PLCZ1: variants seen among roughly 807,000 people sequenced by gnomAD.
PLCZ1 encodes the protein phospholipase C zeta 1, also known as 1-phosphatidylinositol 4,5-bisphosphate phosphodiesterase zeta-1.
A neutral mutation model predicts 76.8 loss-of-function variants in PLCZ1; 64 were observed. The observed-to-expected ratio is 0.83, with a 90% confidence interval of 0.68 to 1.03. The LOEUF (loss-of-function observed/expected upper bound fraction) is 1.03, where lower values mean the gene tolerates loss of function less well. PLCZ1 is among the 50% of genes least tolerant of loss of function. PLCZ1 has a pLI of 0.00. For missense variants in PLCZ1, 751 were observed against 713.7 expected, an observed-to-expected ratio of 1.05 and a Z score of -0.60; for synonymous variants, 248 against 230.8, an observed-to-expected ratio of 1.07 and a Z score of -0.68.
intron 13 of PLCZ1, among the ~76,000 whole-genome samples, chr12:18,687,832 AAAG>A (rs1161570040): frequency 1.3e-5 from 2 of 152,134 alleles, no homozygotes. Flanking sequence ...AAAACATAAA[AAAG>A]AGGTAAATTT....
the PLCZ1 span, among the ~76,000 whole-genome samples, chr12:18,654,204 A>G: frequency 6.6e-6 from 1 of 152,082 alleles, no homozygotes; most frequent in Non-Finnish European, 1.5e-5. Flanking sequence ...TAAAAAGTCA[A>G]TATACTCAGG....
chr12:18,667,841 C>A, the PLCZ1 span, among the ~76,000 whole-genome samples: 3 of 152,162 alleles, frequency 2.0e-5, no homozygotes, highest in Non-Finnish European at 4.4e-5. Flanking sequence ...ATTTCCACCA[C>A]ATTGCTCTGC....
chr12:18,698,128 ACT>A (rs1269667655), intron 10 of PLCZ1, among the ~76,000 whole-genome samples: 2 of 151,574 alleles, frequency 1.3e-5, no homozygotes, highest in Non-Finnish European at 2.9e-5. Flanking sequence ...TGTCATTCAA[ACT>A]CTCTTAACCA....
the PLCZ1 span, among the ~76,000 whole-genome samples, chr12:18,672,352 G>T: frequency 6.6e-6 from 1 of 151,896 alleles, no homozygotes; most frequent in African/African-American, 2.4e-5. Context: ...AAAAGGGAAA[G>T]GTTTTTAATT....
chr12:18,668,117 C>T, the PLCZ1 span, among the ~76,000 whole-genome samples: 5 of 152,264 alleles, frequency 3.3e-5, no homozygotes, highest in South Asian at 1.0e-3. Flanking sequence ...TTAGCCCCAA[C>T]TTGTATTATC....
chr12:18,693,636 T>C (rs1159703371), intron 12 of PLCZ1: 1 of 1,564,188 alleles, frequency 6.4e-7, no homozygotes, highest in African/African-American at 1.4e-5. Flanking sequence ...ATTGATGAAA[T>C]TGACGCCATT....
Position 18,687,834 on chromosome 12 carries a change from A to T in PLCZ1, c.1591+255T>A, listed in dbSNP as rs115974784. Among the ~76,000 whole-genome samples the T allele has an allele frequency of 7.0e-3, 1,069 of 152,234 alleles. 12 individuals are homozygous for T. The highest frequency in any genetic ancestry group is 0.025 in the African/African-American group (1,037 of 41,570). ...GGTGATATGAGAGAAAACATAAAAA[A>T]GAGGTAAATTTTTTTTAAGCAATAA... On this transcript the variant is annotated intron_variant, in intron 13 of 14. Coordinates refer to ENST00000266505, the MANE Select transcript of PLCZ1 (RefSeq NM_033123.4).
the PLCZ1 span, among the ~76,000 whole-genome samples, chr12:18,649,336 C>T: frequency 6.6e-6 from 1 of 152,098 alleles, no homozygotes; most frequent in African/African-American, 2.4e-5. Context: ...ACTACCCATG[C>T]TCCTATCCCA....
chr12:18,684,657 T>C (rs542967900), intron 13 of PLCZ1, among the ~76,000 whole-genome samples: 8 of 152,190 alleles, frequency 5.3e-5, no homozygotes, highest in African/African-American at 1.9e-4. Flanking sequence ...TTTTAATCAT[T>C]ATGCAATATG....
At chr12:18,737,776 CATA>C (rs775660855) in intron 1 of PLCZ1, 153 bp downstream of exon 1, 99 of 333,348 alleles carry the variant, frequency 3.0e-4, no homozygotes, top group Middle Eastern at 3.0e-3. Context: ...AACCTTTCAT[CATA>C]ATATGCTTCC....
downstream of PLCZ1, among the ~76,000 whole-genome samples, chr12:18,678,707 G>T (rs368903633): frequency 3.9e-4 from 59 of 152,022 alleles, 1 homozygote; most frequent in African/African-American, 1.4e-3. Context: ...ACATTAAATA[G>T]TATTGGATAT....
chr12:18,645,702 C>A, the PLCZ1 span, among the ~76,000 whole-genome samples: 21 of 152,262 alleles, frequency 1.4e-4, no homozygotes, highest in Non-Finnish European at 2.4e-4. Flanking sequence ...TTCATTATCT[C>A]ATTTCTTCCT....
At chr12:18,685,523 CTA>C in intron 13 of PLCZ1, 1 of 297,640 alleles carries the variant, frequency 3.4e-6, no homozygotes, top group Admixed American at 3.4e-5. Context: ...TCTAATTATA[CTA>C]TATCTATGTT....
At chr12:18,691,518 G>C (rs761786864) in intron 12 of PLCZ1, among the ~76,000 whole-genome samples, 7 of 152,070 alleles carry the variant, frequency 4.6e-5, no homozygotes, top group Admixed American at 1.3e-4. Context: ...TATCTTAAGG[G>C]AAGGCAGAGA....
intron 11 of PLCZ1, among the ~76,000 whole-genome samples, chr12:18,695,877 T>G (rs1565671041): frequency 6.6e-6 from 1 of 152,082 alleles, no homozygotes; most frequent in Non-Finnish European, 1.5e-5. Context: ...TTGGGTTTCC[T>G]TGTTCCCTTC....
the PLCZ1 span, among the ~76,000 whole-genome samples, chr12:18,669,689 G>A: frequency 4.6e-5 from 7 of 151,330 alleles, no homozygotes; most frequent in African/African-American, 7.3e-5. Flanking sequence ...ACAGATTCTC[G>A]CTCTGTCACC....
In PLCZ1 at chr12:18,711,529, TATAATA is replaced by T. The variant is rs71440375; in HGVS notation, c.714+1307_714+1312del. Among the ~76,000 whole-genome samples, 211 of 142,466 alleles carry T rather than the reference TATAATA, an allele frequency of 1.5e-3. 2 individuals carry two copies. Among genetic ancestry groups the T allele is most frequent in the African/African-American group, 4.1e-3 (156 of 38,152 alleles). The allele number at this position is 142,466 out of a possible 152,430, so 93.5% of individuals were successfully genotyped here. ...TGCACATGTACCCTAAAACTTAAAGTATAATAATAATAATAATAATAATAATAATAA... is the reference window on the plus strand; with the variant it reads ...TGCACATGTACCCTAAAACTTAAAGTATAATAATAATAATAATAATAATAA... On this transcript the variant is annotated intron_variant, in intron 6 of 14. Coordinates refer to ENST00000266505, the MANE Select transcript of PLCZ1 (RefSeq NM_033123.4).
rs769856083 is a variant in PLCZ1, at chr12:18,736,356, A to C, written c.12-12T>G. On this transcript the variant is annotated splice_polypyrimidine_tract_variant and intron_variant, in intron 2 of 14. Coordinates refer to ENST00000266505, the MANE Select transcript of PLCZ1 (RefSeq NM_033123.4). ...TTGACAAAAACCATGTAGAAGCACA[A>C]AAAAGTTAAGGAAATTCTCACAGAA... 3.7e-6 allele frequency: 6 copies of C among 1,609,602 alleles called. No individual in the cohort carries two copies. The highest frequency in any genetic ancestry group is 3.4e-6 in the Non-Finnish European group (4 of 1,178,234).
the PLCZ1 span, chr12:18,648,055 C>A: frequency 2.1e-6 from 3 of 1,441,420 alleles, no homozygotes; most frequent in South Asian, 2.9e-5. Context: ...ATGCATTATT[C>A]ATTAACTACT....
Sources: gnomAD v4.1 joint callset for allele counts (sites outside exome capture counted in the v4.1 genomes callset) on GRCh38, gnomAD v4.1.1 for gene constraint, MANE v1.5 for transcripts, NCBI Gene and HGNC (gene_info 2026-07-23, HGNC 2026-07-21) for gene names.